The following ZFPM2 variants were observed in gnomAD, a reference collection of about 807,000 sequenced individuals.
ZFPM2 encodes zinc finger protein ZFPM2.
A neutral mutation model predicts 98.6 loss-of-function variants in ZFPM2; 20 were observed. The observed-to-expected ratio is 0.20, with a 90% CI of 0.14 to 0.29. The LOEUF is 0.29. Ranked by LOEUF, ZFPM2 falls within the 10% of genes least tolerant of loss-of-function variation. The pLI is 1.00. For missense variants in ZFPM2, 1,310 were observed against 1,388.6 expected (o/e 0.94, Z 0.90); for synonymous variants, 518 against 502.7 (o/e 1.03, Z -0.41).
At chr8:105,650,205 A>G (rs538767592) in intron 5 of ZFPM2, among the ~76,000 whole-genome samples, 109 of 152,104 alleles carry the variant, frequency 7.2e-4, no homozygotes, top group African/African-American at 2.4e-3. Flanking sequence ...TTGTATTTCT[A>G]TGGGATCGGT....
chr8:105,574,709 C>G (rs1563726155), intron 4 of ZFPM2, among the ~76,000 whole-genome samples: 1 of 151,434 alleles, frequency 6.6e-6, no homozygotes. Context: ...CCATTTGTAC[C>G]TCATTACCCT....
At chr8:105,596,105 AC>A (rs1157124198) in intron 4 of ZFPM2, among the ~76,000 whole-genome samples, 2 of 151,980 alleles carry the variant, frequency 1.3e-5, no homozygotes, top group Non-Finnish European at 2.9e-5. Flanking sequence ...ACTTCTGTGC[AC>A]CCTGTTAAGA....
chr8:105,789,016 C>CT, intron 6 of ZFPM2, 92 bp downstream of exon 6: 2 of 1,013,304 alleles, frequency 2.0e-6, no homozygotes, highest in Non-Finnish European at 1.4e-6. Flanking sequence ...AGGAACAGAC[C>CT]TTTTTCCTTC....
chr8:105,554,370 CCATAAAAT>C (rs1814935747), intron 3 of ZFPM2, among the ~76,000 whole-genome samples: 1 of 152,112 alleles, frequency 6.6e-6, no homozygotes, highest in African/African-American at 2.4e-5. Flanking sequence ...AATGGTTAAA[CCATAAAAT>C]AGCAAGAGCT....
chr8:105,613,422 G>A (rs1243777609), intron 4 of ZFPM2, among the ~76,000 whole-genome samples: 2 of 152,004 alleles, frequency 1.3e-5, no homozygotes, highest in Non-Finnish European at 2.9e-5. Flanking sequence ...ATGAATTTTA[G>A]TAAAGGATAC....
chr8:105,413,837 A>G (rs922980422), intron 1 of ZFPM2, among the ~76,000 whole-genome samples: 1 of 151,962 alleles, frequency 6.6e-6, no homozygotes, highest in African/African-American at 2.4e-5. Context: ...TAATAATGCT[A>G]TCTGATATTA....
At chr8:105,718,400 G>A (rs758913253) in intron 5 of ZFPM2, among the ~76,000 whole-genome samples, 7 of 151,866 alleles carry the variant, frequency 4.6e-5, no homozygotes, top group African/African-American at 1.4e-4. Flanking sequence ...GAACTTTAGC[G>A]TATGTCCATT....
chr8:105,616,603 G>A (rs1289274729), intron 4 of ZFPM2: 1 of 283,654 alleles, frequency 3.5e-6, no homozygotes, highest in Non-Finnish European at 7.0e-6. Flanking sequence ...TGTGTTTCAG[G>A]TATAAGTCTA....
chr8:105,378,267 T>G (rs1360410440), intron 1 of ZFPM2, among the ~76,000 whole-genome samples: 1 of 151,880 alleles, frequency 6.6e-6, no homozygotes, highest in East Asian at 1.9e-4. Flanking sequence ...GGAGGCGGGG[T>G]CCCCAAGGAA....
At position 105,702,584 on chromosome 8, in the gene ZFPM2, AC is replaced by A. The variant is rs539399625; in HGVS notation, c.532+68229del. ...CCAGGAAAATGTTCTTTAACGGCAA[AC>A]CAAAATTATCTCCTTATTTTACATT... On this transcript the variant is annotated intron_variant, in intron 5 of 7. Coordinates refer to ENST00000407775, the MANE Select transcript of ZFPM2 (RefSeq NM_012082.4). Among the ~76,000 whole-genome samples the A allele has an allele frequency of 6.8e-4, 103 of 152,322 alleles. 1 individual carries two copies. In the East Asian group the frequency reaches 0.014, roughly 21 times the overall value.
intron 3 of ZFPM2, among the ~76,000 whole-genome samples, chr8:105,450,337 G>T (rs770353689): frequency 2.6e-5 from 4 of 152,074 alleles, no homozygotes; most frequent in Non-Finnish European, 4.4e-5. Context: ...GAAGATTACA[G>T]TTCTGATTTC....
intron 2 of ZFPM2, among the ~76,000 whole-genome samples, chr8:105,441,808 A>G (rs1241106995): frequency 6.6e-6 from 1 of 152,132 alleles, no homozygotes; most frequent in Non-Finnish European, 1.5e-5. Flanking sequence ...CCAGGCTTTC[A>G]TCACATAGTT....
chr8:105,646,978 A>G (rs1817060629), intron 5 of ZFPM2, among the ~76,000 whole-genome samples: 1 of 152,164 alleles, frequency 6.6e-6, no homozygotes, highest in Non-Finnish European at 1.5e-5. Context: ...CTAGCTCTAT[A>G]GGAAATGGCT....
intron 5 of ZFPM2, among the ~76,000 whole-genome samples, chr8:105,670,360 G>A (rs1817570564): frequency 6.6e-6 from 1 of 152,020 alleles, no homozygotes; most frequent in Non-Finnish European, 1.5e-5. Flanking sequence ...GCTGGGCGCG[G>A]TGGCGGGCGC....
At chr8:105,584,281 TTA>T (rs1242803190) in intron 4 of ZFPM2, among the ~76,000 whole-genome samples, 3 of 151,986 alleles carry the variant, frequency 2.0e-5, no homozygotes, top group African/African-American at 7.3e-5. Context: ...AACTTTTATT[TTA>T]TTTTTTTTCT....
intron 5 of ZFPM2, among the ~76,000 whole-genome samples, chr8:105,677,715 T>A (rs1012686899): frequency 2.0e-5 from 3 of 151,076 alleles, no homozygotes; most frequent in East Asian, 2.0e-4. Context: ...AAAAAAAAAA[T>A]AAAGTCTAAA....
At chr8:105,580,749 T>A (rs1815572867) in intron 4 of ZFPM2, among the ~76,000 whole-genome samples, 1 of 151,150 alleles carries the variant, frequency 6.6e-6, no homozygotes, top group East Asian at 1.9e-4. Flanking sequence ...CCTAGAAAAG[T>A]CCTGACATAG....
chr8:105,328,260 A>G (rs942864562), intron 1 of ZFPM2, among the ~76,000 whole-genome samples: 2 of 151,830 alleles, frequency 1.3e-5, no homozygotes, highest in Non-Finnish European at 2.9e-5. Flanking sequence ...TATTGACAAC[A>G]TTACCTATTA....
chr8:105,441,056 G>A (rs1359020380), intron 2 of ZFPM2, among the ~76,000 whole-genome samples: 1 of 152,108 alleles, frequency 6.6e-6, no homozygotes, highest in Non-Finnish European at 1.5e-5. Flanking sequence ...TTGGGAGGCT[G>A]AGGCAGAAGA....
Sources: allele counts gnomAD v4.1 joint callset (sites outside exome capture counted in the v4.1 genomes callset), GRCh38; gene constraint gnomAD v4.1.1; transcripts MANE v1.5; gene names NCBI Gene and HGNC (gene_info 2026-07-23, HGNC 2026-07-21).